The following MMP9 variants were observed in gnomAD, a reference collection of about 807,000 sequenced individuals.
MMP9 encodes the protein matrix metalloproteinase-9.
MMP9 carries 73 observed loss-of-function variants against 76.4 expected under a neutral mutation model. That is an observed-to-expected ratio of 0.96 (90% CI 0.79 to 1.16). The LOEUF is 1.16. Ranked by LOEUF, MMP9 falls within the 50% of genes most tolerant of loss-of-function variation. The pLI, the probability that MMP9 is intolerant of heterozygous loss-of-function variation, is 0.00. For missense variants in MMP9, 943 were observed against 973.0 expected (o/e 0.97, Z 0.41); for synonymous variants, 412 against 408.4 (o/e 1.01, Z -0.11).
chr20:46,012,729 C>T (rs2084291395), intron 8 of MMP9, 147 bp downstream of exon 8: 1 of 1,183,966 alleles, frequency 8.4e-7, no homozygotes, highest in Non-Finnish European at 1.2e-6. Context: ...GAGCCTGGGC[C>T]CAGTCGCTGC....
intron 11 of MMP9, 35 bp from the exon 12 acceptor site, chr20:46,014,336 G>C: frequency 6.5e-7 from 1 of 1,543,020 alleles, no homozygotes. Flanking sequence ...TCCGCTAGCC[G>C]GCTCAGCACC....
rs1568846616 is a variant in MMP9, at chr20:46,010,330, A to AACAAACAAAC, written c.372-152_372-151insCAAACAAACA. Among the ~76,000 whole-genome samples, 509 of 101,956 alleles carry AACAAACAAAC rather than the reference A, an allele frequency of 5.0e-3. 21 individuals are homozygous for AACAAACAAAC. Among genetic ancestry groups the AACAAACAAAC allele is most frequent in the African/African-American group, 0.016 (447 of 27,356 alleles). 66.9% of individuals were successfully genotyped at this position (101,956 alleles called of 152,430 possible). A position where few individuals can be genotyped will look rare whatever the true frequency, so the allele number is the denominator to read the frequency against. ...TGAGGGTCTAAGTAGACAAAAAAAAAAAAAAAAAAAACAGTCTGGAAGCAA... is the reference window on the plus strand; with the variant it reads ...TGAGGGTCTAAGTAGACAAAAAAAAAACAAACAAACAAAAAAAAAAACAGTCTGGAAGCAA... On this transcript the variant is annotated intron_variant, in intron 2 of 12. Coordinates refer to ENST00000372330, the MANE Select transcript of MMP9 (RefSeq NM_004994.3).
At position 46,012,185 on chromosome 20, in the gene MMP9, TC is replaced by T. The variant is rs2084284478; in HGVS notation, c.1050del (p.Phe351SerfsTer59). On this transcript the variant is annotated frameshift_variant, in exon 7 of 13. Transcript: ENST00000372330. LOFTEE classifies it high-confidence loss of function. ...GGNSAGELCV[F>X]PFTFLGKEYS... ...AACTCGGCGGGGGAGCTGTGCGTCT[TC>T]CCCTTCACTTTCCTGGGTAAGGAGT... 4 of 1,614,092 alleles carry T rather than the reference TC, an allele frequency of 2.5e-6. No individual in the cohort carries two copies. In the East Asian group the frequency reaches 8.9e-5, roughly 36 times the overall value.
intron 12 of MMP9, 54 bp from the exon 13 acceptor site, chr20:46,016,195 CT>C: frequency 6.8e-7 from 1 of 1,476,496 alleles, no homozygotes. Flanking sequence ...GTTCCTATTT[CT>C]GTATATGTGG....
At chr20:46,011,427 C>T in intron 5 of MMP9, 111 bp downstream of exon 5, 1 of 1,563,036 alleles carries the variant, frequency 6.4e-7, no homozygotes, top group Non-Finnish European at 8.7e-7. Flanking sequence ...CACCCTCCCG[C>T]ACTCTGGGCC....
At chr20:46,011,787 CAT>C (rs1568847615) in intron 6 of MMP9, 40 bp downstream of exon 6, 2 of 1,584,190 alleles carry the variant, frequency 1.3e-6, no homozygotes, top group Admixed American at 3.6e-5. Context: ...CCCGCCCTCT[CAT>C]CATGTATTGG....
intron 1 of MMP9, 92 bp from the exon 2 acceptor site, chr20:46,009,774 C>A: frequency 9.1e-7 from 1 of 1,093,360 alleles, no homozygotes; most frequent in Non-Finnish European, 1.4e-6. Flanking sequence ...AAAAAAGACT[C>A]CCTCCATGAG....
Position 46,013,756 on chromosome 20 carries a change from C to A in MMP9, c.1710C>A (p.Val570=). 6.2e-7 allele frequency: 1 copy of A among 1,613,662 alleles called. No individual in the cohort carries two copies. ...WPALPRKLDS[V]FEERLSKKLF... is the part of the protein sequence containing the mutation. ...CGCTGCCCCGCAAGCTGGACTCGGT[C>A]TTTGAGGAGCGGCTCTCCAAGAAGC... Residue 570 remains valine (V), a synonymous_variant, in exon 10 of 13, where the codon GTC becomes GTA. Transcript: ENST00000372330. The surrounding 1 kb of genome is among the most constrained non-coding windows in gnomAD (Gnocchi z 4.5).
Position 46,011,720 on chromosome 20 carries a change from A to T in MMP9, c.970A>T (p.Lys324Ter), listed in dbSNP as rs201549219. Residue 324 changes from lysine to a stop codon, truncating the protein, a stop_gained, in exon 6 of 13, where the codon AAG becomes TAG. Coordinates refer to ENST00000372330, the MANE Select transcript of MMP9 (RefSeq NM_004994.3). LOFTEE classifies it high-confidence loss of function. ...CATTANYDRD[K>*]LFGFCPTRAD... is the part of the protein sequence containing the mutation. ...CACCACCGCCAACTACGACCGGGAC[A>T]AGCTCTTCGGCTTCTGCCCGACCCG... is the stretch of plus-strand genomic sequence containing the variant. 1 of 1,613,216 alleles carries T rather than the reference A, an allele frequency of 6.2e-7. No individual in the cohort carries two copies. Among genetic ancestry groups the T allele is most frequent in the Non-Finnish European group, 8.5e-7 (1 of 1,179,892 alleles).
Position 46,008,995 on chromosome 20 carries a change from G to A in MMP9, c.69G>A (p.Gln23=), listed in dbSNP as rs751444543. Residue 23 remains glutamine, a synonymous_variant, in exon 1 of 13, where the codon CAG becomes CAA. Transcript: ENST00000372330. ...VLGCCFAAPR[Q]RQSTLVLFPG... ...GCTGCTGCTTTGCTGCCCCCAGACA[G>A]CGCCAGTCCACCCTTGTGCTCTTCC... The A allele has an allele frequency of 6.2e-7, 1 of 1,614,040 alleles. No individual in the cohort carries two copies. Among genetic ancestry groups the A allele is most frequent in the South Asian group, 1.1e-5 (1 of 91,054 alleles).
At position 46,012,266 on chromosome 20, in the gene MMP9, C is replaced by A. The variant is rs777794038; in HGVS notation, c.1127C>A (p.Thr376Asn). 10 of 1,613,918 alleles carry A rather than the reference C, an allele frequency of 6.2e-6. No individual in the cohort carries two copies. Among genetic ancestry groups the A allele is most frequent in the Admixed American group, 1.7e-5 (1 of 60,014 alleles). The change falls in exon 7 of 13, where the codon ACC becomes AAC. Residue 376 changes from threonine to asparagine, a missense_variant. Thr to Asn is a moderately conservative substitution (Grantham distance 65). Coordinates refer to ENST00000372330, the MANE Select transcript of MMP9 (RefSeq NM_004994.3). ...GATGGGCGCCTCTGGTGCGCTACCA[C>A]CTCGAACTTTGACAGCGACAAGAAG... ...RGDGRLWCAT[T>N]SNFDSDKKWG...
rs1344383872 is a variant in MMP9, at chr20:46,010,584, G to A, written c.473G>A (p.Arg158His). 1.2e-6 allele frequency: 2 copies of A among 1,614,110 alleles called. No homozygotes were observed. The highest frequency in any genetic ancestry group is 1.7e-5 in the Admixed American group (1 of 60,010). The change falls in exon 3 of 13, where the codon CGC becomes CAC. Residue 158 changes from arginine to histidine, a missense_variant. Transcript: ENST00000372330. ...GCGGTGACGCCGCTCACCTTCACTC[G>A]CGTGTACAGCCGGGACGCAGACATC... Reference protein sequence around the residue: ...WSAVTPLTFTRVYSRDADIVI... With the variant: ...WSAVTPLTFTHVYSRDADIVI...
chr20:46,012,041 T>TA, intron 6 of MMP9, 96 bp from the exon 7 acceptor site: 1 of 1,510,758 alleles, frequency 6.6e-7, no homozygotes, highest in Non-Finnish European at 9.0e-7. Flanking sequence ...CAGCGCCCCC[T>TA]AGGCCACCAA....
chr20:46,014,314 G>A (rs1370345740), intron 11 of MMP9, 40 bp downstream of exon 11: 4 of 1,536,682 alleles, frequency 2.6e-6, no homozygotes, highest in Non-Finnish European at 3.5e-6. Flanking sequence ...GAGCCCGGGC[G>A]CCGTCGGTCC....
At chr20:46,012,040 C>T in intron 6 of MMP9, 97 bp from the exon 7 acceptor site, 2 of 1,507,866 alleles carry the variant, frequency 1.3e-6, no homozygotes, top group Non-Finnish European at 1.8e-6. Flanking sequence ...ACAGCGCCCC[C>T]TAGGCCACCA....
At position 46,011,740 on chromosome 20, in the gene MMP9, G is replaced by T. The variant is rs199785920; in HGVS notation, c.990G>T (p.Pro330=). ...GGGACAAGCTCTTCGGCTTCTGCCC[G>T]ACCCGAGGTACCTCCACCCTGTCTA... ...YDRDKLFGFC[P]TRADSTVMGG... Residue 330 remains proline (P), a synonymous_variant, in exon 6 of 13, where the codon CCG becomes CCT. Coordinates refer to ENST00000372330, the MANE Select transcript of MMP9 (RefSeq NM_004994.3). 14 of 1,611,058 alleles carry T rather than the reference G, an allele frequency of 8.7e-6. No homozygotes were observed. Among genetic ancestry groups the T allele is most frequent in the Admixed American group, 1.7e-5 (1 of 59,936 alleles).
rs765973004 is a variant in MMP9 at position 46,010,475 on chromosome 20, C to T, written c.372-8C>T. On this transcript the variant is annotated splice_region_variant and splice_polypyrimidine_tract_variant and intron_variant, in intron 2 of 12. Transcript: ENST00000372330. ...TCTGACCTCCTTCCTCTGGCTCTTA[C>T]GCTACAGGATCCAAAACTACTCGGA... is the stretch of plus-strand genomic sequence containing the variant. The T allele has an allele frequency of 6.2e-7, 1 of 1,614,030 alleles. No individual in the cohort carries two copies. Among genetic ancestry groups the T allele is most frequent in the Non-Finnish European group, 8.5e-7 (1 of 1,180,028 alleles).
chr20:46,010,333 A>AAAAAAAAAAACAAAAAAAAC lies in MMP9; in HGVS notation c.372-142_372-141insAACAAAAAAAACAAAAAAAA, dbSNP rs796972949. The AAAAAAAAAAACAAAAAAAAC allele has an allele frequency of 7.1e-5, 59 of 828,880 alleles. No homozygotes were observed. The African/African-American group carries it at 1.0e-3, about 14-fold the overall frequency. The allele number at this position is 828,880 out of a possible 1,614,324, so 51.3% of individuals were successfully genotyped here. ...GGGTCTAAGTAGACAAAAAAAAAAA[A>AAAAAAAAAAACAAAAAAAAC]AAAAAAAACAGTCTGGAAGCAATTT... On this transcript the variant is annotated intron_variant, in intron 2 of 12. Transcript: ENST00000372330.
In MMP9 at chr20:46,016,303, G is replaced by C. The variant is rs374780254; in HGVS notation, c.2059G>C (p.Glu687Gln). Residue 687 changes from glutamate (E) to glutamine (Q), a missense_variant, in exon 13 of 13, where the codon GAG (glutamate) becomes CAG (glutamine). Glu to Gln is a conservative substitution (Grantham distance 29). Coordinates refer to ENST00000372330, the MANE Select transcript of MMP9 (RefSeq NM_004994.3). ...RFYWRVSSRS[E>Q]LNQVDQVGYV... ...CTACTGGCGCGTGAGTTCCCGGAGT[G>C]AGTTGAACCAGGTGGACCAAGTGGG... is the stretch of plus-strand genomic sequence containing the variant. 56 of 1,614,108 alleles carry C rather than the reference G, an allele frequency of 3.5e-5. No individual in the cohort carries two copies. The highest frequency in any genetic ancestry group is 4.3e-5 in the Non-Finnish European group (51 of 1,180,048).
Sources: allele counts gnomAD v4.1 joint callset (sites outside exome capture counted in the v4.1 genomes callset), GRCh38; gene constraint gnomAD v4.1.1; non-coding constraint Gnocchi (gnomAD v3.1); transcripts MANE v1.5; gene names NCBI Gene and HGNC (gene_info 2026-07-23, HGNC 2026-07-21).